Variants in CHD4 observed in about 807,000 individuals in gnomAD.
CHD4 encodes the protein chromodomain helicase DNA binding protein 4, also known as ATP-dependent chromatin remodeler CHD4.
Under a neutral mutation model 235.5 loss-of-function variants are expected in CHD4, and 35 were observed. The observed-to-expected ratio is 0.15, with a 90% CI of 0.11 to 0.20. CHD4 has a LOEUF of 0.20. CHD4 is among the 10% of genes least tolerant of loss of function. The pLI, the probability that CHD4 is intolerant of heterozygous loss-of-function variation, is 1.00. For missense variants in CHD4, 1,329 were observed against 2,432.3 expected (o/e 0.55, Z 9.54); for synonymous variants, 900 against 850.2 (o/e 1.06, Z -1.02).
In CHD4 at chr12:6,573,068, G is replaced by T; in HGVS notation, c.5557+6C>A. ...ATCGGCAGGAGGCAGGGGAGCCACT[G>T]GCTACCTTTGTGCAGGACTGCATTG... On this transcript the variant is annotated splice_donor_region_variant and intron_variant, in intron 38 of 39. Transcript: ENST00000544040. 6.3e-7 allele frequency: 1 copy of T among 1,595,454 alleles called. No homozygotes were observed. Among genetic ancestry groups the T allele is most frequent in the Non-Finnish European group, 8.5e-7 (1 of 1,173,430 alleles).
At chr12:6,571,136 T>G in intron 38 of CHD4, 104 bp from the exon 39 acceptor site, 2 of 1,324,994 alleles carry the variant, frequency 1.5e-6, no homozygotes, top group South Asian at 2.7e-5. Context: ...CAAGTAACTG[T>G]GATGTATTGT....
At chr12:6,602,528 G>A (rs551060658) in intron 2 of CHD4, 31 bp from the exon 3 acceptor site, 4 of 1,606,882 alleles carry the variant, frequency 2.5e-6, no homozygotes, top group African/African-American at 2.7e-5. Flanking sequence ...GTGGTAGGCA[G>A]GGAAAAGATC....
rs1022161576 is a variant in CHD4 at position 6,571,062 on chromosome 12, T to A, written c.5558-30A>T. On this transcript the variant is annotated intron_variant, in intron 38 of 39. Coordinates refer to ENST00000544040, the MANE Select transcript of CHD4 (RefSeq NM_001273.5). ...ATAGGGAGAAAAAGAGGTGGTGAGCTGTGGTGGCCCAGACTGAGCTCCCTC... is the reference window on the plus strand; with the variant it reads ...ATAGGGAGAAAAAGAGGTGGTGAGCAGTGGTGGCCCAGACTGAGCTCCCTC... The A allele has an allele frequency of 8.7e-6, 14 of 1,609,892 alleles. No homozygotes were observed. In the Admixed American group the frequency reaches 2.3e-4, roughly 27 times the overall value.
chr12:6,572,193 C>T (rs920974969), intron 38 of CHD4, among the ~76,000 whole-genome samples: 12 of 151,440 alleles, frequency 7.9e-5, no homozygotes, highest in African/African-American at 2.2e-4. Flanking sequence ...CTTTGGGAGG[C>T]GGAGGCGGGT....
In CHD4 at chr12:6,570,097, C is replaced by T. The variant is rs929782468; in HGVS notation, c.*579G>A. Reference sequence around the variant, plus strand: ...ACCAGAGCACTAAAATACAAGGAAACTTTTATTTTCAATTTTCATCAAGAA... The same window carrying T: ...ACCAGAGCACTAAAATACAAGGAAATTTTTATTTTCAATTTTCATCAAGAA... On this transcript the variant is annotated 3_prime_UTR_variant, in exon 40 of 40. Coordinates refer to ENST00000544040, the MANE Select transcript of CHD4 (RefSeq NM_001273.5). The T allele has an allele frequency of 6.5e-6, 1 of 152,974 alleles. No individual in the cohort carries two copies. Among genetic ancestry groups the T allele is most frequent in the Non-Finnish European group, 1.5e-5 (1 of 68,424 alleles). 9.5% of individuals were successfully genotyped at this position (152,974 alleles called of 1,614,324 possible).
At chr12:6,583,489 A>G (rs1948229114) in intron 25 of CHD4, 111 bp from the exon 26 acceptor site, 1 of 936,554 alleles carries the variant, frequency 1.1e-6, no homozygotes, top group Admixed American at 2.4e-5. Context: ...TGGACTCTTA[A>G]ATACTTGGTG....
In CHD4 at chr12:6,587,854, C is replaced by G; in HGVS notation, c.3561G>C (p.Val1187=). 1 of 1,614,240 alleles carries G rather than the reference C, an allele frequency of 6.2e-7. No homozygotes were observed. Among genetic ancestry groups the G allele is most frequent in the Non-Finnish European group, 8.5e-7 (1 of 1,180,052 alleles). Reference sequence around the variant, plus strand: ...GCGTCAGCATCATTTTCTTCTTTGCCACCTGCGTGATGCGCTCCTCCACTG... The same window carrying G: ...GCGTCAGCATCATTTTCTTCTTTGCGACCTGCGTGATGCGCTCCTCCACTG... ...RASVEERITQ[V]AKKKMMLTHL... The change falls in exon 24 of 40, where the codon GTG becomes GTC. Residue 1187 remains valine, a synonymous_variant. Transcript: ENST00000544040.
chr12:6,589,506 C>T (rs1432801713), intron 22 of CHD4, among the ~76,000 whole-genome samples: 1 of 152,026 alleles, frequency 6.6e-6, no homozygotes, highest in Non-Finnish European at 1.5e-5. Context: ...TGGTGGCTCA[C>T]GCCTGTAATC....
In CHD4 at chr12:6,578,052, G is replaced by A. The variant is rs751716825; in HGVS notation, c.5205C>T (p.Tyr1735=). ...TYEIWHRRHD[Y]WLLAGIINHG... ...ACTTTATAATGCCGGCTAGCAGCCAGTAGTCATGCCGTCGATGCCAGATCT... is the reference window on the plus strand; with the variant it reads ...ACTTTATAATGCCGGCTAGCAGCCAATAGTCATGCCGTCGATGCCAGATCT... Residue 1735 remains tyrosine, a synonymous_variant, in exon 36 of 40, where the codon TAC becomes TAT. Transcript: ENST00000544040. 3 of 1,612,874 alleles carry A rather than the reference G, an allele frequency of 1.9e-6. No individual in the cohort carries two copies. The highest frequency in any genetic ancestry group is 1.6e-4 in the Middle Eastern group (1 of 6,084).
chr12:6,588,234 G>C (rs1948333590), intron 23 of CHD4, 64 bp downstream of exon 23: 2 of 1,575,442 alleles, frequency 1.3e-6, no homozygotes, highest in African/African-American at 2.7e-5. Flanking sequence ...AGCCCTCATA[G>C]AGGCCACTAT....
intron 9 of CHD4, 56 bp from the exon 10 acceptor site, chr12:6,600,068 G>A (rs911974656): frequency 6.4e-6 from 10 of 1,574,774 alleles, no homozygotes; most frequent in Middle Eastern, 1.7e-4. Context: ...ACCGCAGTCT[G>A]AAGCCAGTGC....
chr12:6,604,200 G>A (rs756572071), intron 2 of CHD4, among the ~76,000 whole-genome samples: 2 of 152,112 alleles, frequency 1.3e-5, no homozygotes, highest in South Asian at 2.1e-4. Context: ...GCTTGAGCCC[G>A]GGAGGCGGAG....
intron 27 of CHD4, 21 bp downstream of exon 27, chr12:6,583,006 C>T: frequency 1.3e-6 from 2 of 1,582,134 alleles, no homozygotes; most frequent in Non-Finnish European, 1.7e-6. Context: ...AGAAAAGCAA[C>T]AAAAAAAGCA....
At chr12:6,585,315 G>C (rs1394643236) in intron 25 of CHD4, among the ~76,000 whole-genome samples, 1 of 151,840 alleles carries the variant, frequency 6.6e-6, no homozygotes, top group Non-Finnish European at 1.5e-5. Context: ...GACGGAGTCT[G>C]GCTCTGTCCC....
chr12:6,570,596 G>C lies in CHD4; in HGVS notation c.*80C>G. 6.4e-7 allele frequency: 1 copy of C among 1,558,054 alleles called. No homozygotes were observed. The highest frequency in any genetic ancestry group is 1.7e-4 in the Middle Eastern group (1 of 5,906). On this transcript the variant is annotated 3_prime_UTR_variant, in exon 40 of 40. Transcript: ENST00000544040. ...GCAGAAGGAAGGTGAGGGTCTCTCA[G>C]GCCCCCAGGGGAGAAGCTGGGACAA...
In CHD4 at chr12:6,607,360, C is replaced by T. The variant is rs1948724621; in HGVS notation, c.-139G>A. ...GGTGTCACTCCCGCTCCGGCTCCTC[C>T]TCGCCGCGGCCGAAGGGGGGAAAAT... is the stretch of plus-strand genomic sequence containing the variant. On this transcript the variant is annotated 5_prime_UTR_variant, in exon 1 of 40. Transcript: ENST00000544040. 6.6e-6 allele frequency: 1 copy of T among 152,144 alleles called. No homozygotes were observed. The highest frequency in any genetic ancestry group is 1.9e-4 in the East Asian group (1 of 5,148). The allele number at this position is 152,144 out of a possible 1,614,324, so 9.4% of individuals were successfully genotyped here. A position where few individuals can be genotyped will look rare whatever the true frequency, so the allele number is the denominator to read the frequency against.
rs558343040 is a variant in CHD4, at chr12:6,593,227, T to A, written c.2516A>T (p.Lys839Ile). Reference sequence around the variant, plus strand: ...CACATGGAATTTCACAGATGCCTCTTTCTGCACATGAAGGCAACTTGGTCA... The same window carrying A: ...CACATGGAATTTCACAGATGCCTCTATCTGCACATGAAGGCAACTTGGTCA... ...RGGKKASRMK[K>I]EASVKFHVLL... Residue 839 changes from lysine (K) to isoleucine (I), a missense_variant and splice_region_variant, in exon 17 of 40, where the codon AAA becomes ATA. Transcript: ENST00000544040. This position sits in a 1 kb window ranked among gnomAD's most constrained non-coding sequence, Gnocchi z 4.9. 1 of 1,614,058 alleles carries A rather than the reference T, an allele frequency of 6.2e-7. No homozygotes were observed.
At position 6,581,709 on chromosome 12, in the gene CHD4, G is replaced by A. The variant is rs755444102; in HGVS notation, c.4621C>T (p.Pro1541Ser). Residue 1541 changes from proline (P) to serine (S), a missense_variant, in exon 31 of 40, where the codon CCT becomes TCT. Pro to Ser is a moderately conservative substitution (Grantham distance 74). Around this residue, in one of 26 missense-constraint regions of CHD4, gnomAD observed 219 missense variants for 219.3 expected, o/e 1.00. Coordinates refer to ENST00000544040, the MANE Select transcript of CHD4 (RefSeq NM_001273.5). ...GTGTCCCCTGGAGTGGAGGGTGTAG[G>A]AGTTTTTGGGGAGGGTGACCCTGGC... ...SQPGSPSPKTPTPSTPGDTQP... is the reference protein window; with the variant it reads ...SQPGSPSPKTSTPSTPGDTQP... The A allele has an allele frequency of 1.2e-6, 2 of 1,608,538 alleles. No individual in the cohort carries two copies. Among genetic ancestry groups the A allele is most frequent in the Middle Eastern group, 1.7e-4 (1 of 6,026 alleles).
Position 6,596,074 on chromosome 12 carries a change from A to C in CHD4, c.1956T>G (p.Ala652=), listed in dbSNP as rs1172928681. The C allele has an allele frequency of 3.1e-6, 5 of 1,614,012 alleles. No homozygotes were observed. The highest frequency in any genetic ancestry group is 4.2e-6 in the Non-Finnish European group (5 of 1,180,020). The change falls in exon 13 of 40, where the codon GCT becomes GCG. Residue 652 remains alanine (A), a synonymous_variant. Coordinates refer to ENST00000544040, the MANE Select transcript of CHD4 (RefSeq NM_001273.5). The part of the protein sequence containing the change: ...IKWRDLPYDQ[A]SWESEDVEIQ... ...TCTCCACATCCTCACTCTCCCAAGA[A>C]GCCTGATCGTAAGGTAAGTCCCGCC...
Sources: gnomAD v4.1 joint callset for allele counts (sites outside exome capture counted in the v4.1 genomes callset) on GRCh38, gnomAD v4.1.1 for gene constraint, gnomAD v4.1.1 regional missense constraint, Gnocchi (gnomAD v3.1) non-coding constraint, MANE v1.5 for transcripts, NCBI Gene and HGNC (gene_info 2026-07-23, HGNC 2026-07-21) for gene names.